Variants in CTNNA2 observed in about 807,000 individuals in gnomAD.
The protein encoded by CTNNA2 is catenin alpha-2.
CTNNA2 carries 42 observed loss-of-function variants against 101.0 expected under a neutral mutation model. The observed-to-expected ratio is 0.42, with a 90% CI of 0.32 to 0.54. The LOEUF (loss-of-function observed/expected upper bound fraction) is 0.54. Ranked by LOEUF, CTNNA2 falls within the 20% of genes least tolerant of loss-of-function variation. The pLI is 0.14. For missense variants in CTNNA2, 871 were observed against 1,223.1 expected (o/e 0.71, Z 4.29); for synonymous variants, 450 against 456.4 (o/e 0.99, Z 0.18).
At chr2:79,854,501 G>T (rs1488328195) in intron 3 of CTNNA2, among the ~76,000 whole-genome samples, 2 of 152,170 alleles carry the variant, frequency 1.3e-5, no homozygotes, top group Admixed American at 6.5e-5. Flanking sequence ...TAATAGTTGG[G>T]GTGGAGTCGA....
At chr2:79,349,473 A>G (rs1296450045) in intron 3 of CTNNA2, among the ~76,000 whole-genome samples, 2 of 152,170 alleles carry the variant, frequency 1.3e-5, no homozygotes, top group African/African-American at 4.8e-5. Flanking sequence ...TTTGAAGACT[A>G]TTATGCTATG....
At chr2:79,874,606 A>G (rs966492786) in intron 6 of CTNNA2, among the ~76,000 whole-genome samples, 1 of 152,168 alleles carries the variant, frequency 6.6e-6, no homozygotes, top group Non-Finnish European at 1.5e-5. Flanking sequence ...GGATCACCTG[A>G]GGTCATGAGT....
chr2:79,439,681 T>C (rs1235672990), intron 4 of CTNNA2, among the ~76,000 whole-genome samples: 1 of 152,200 alleles, frequency 6.6e-6, no homozygotes, highest in Non-Finnish European at 1.5e-5. Context: ...TTCTGGGTAA[T>C]GCATTTGGAA....
chr2:79,620,033 A>AT (rs1171344230), intron 1 of CTNNA2, among the ~76,000 whole-genome samples: 1 of 152,194 alleles, frequency 6.6e-6, no homozygotes, highest in Non-Finnish European at 1.5e-5. Flanking sequence ...AACAAAAAAA[A>AT]TGAGTGCGAT....
At chr2:80,639,188 G>A (rs1051806959) in intron 18 of CTNNA2, among the ~76,000 whole-genome samples, 1 of 152,150 alleles carries the variant, frequency 6.6e-6, no homozygotes, top group Admixed American at 6.6e-5. Context: ...ATCAGTATGT[G>A]TTGTAATATT....
chr2:80,619,034 T>TTTCTTTTGCTC, intron 17 of CTNNA2, 51 bp from the exon 18 acceptor site: 2 of 1,255,140 alleles, frequency 1.6e-6, no homozygotes, highest in East Asian at 2.8e-5. Context: ...TTTTTTTTTT[T>TTTCTTTTGCTC]TCTTTTGCTC....
chr2:79,958,679 A>C (rs1235070537), intron 7 of CTNNA2, among the ~76,000 whole-genome samples: 2 of 152,232 alleles, frequency 1.3e-5, no homozygotes, highest in African/African-American at 4.8e-5. Flanking sequence ...ATAAGTCTAT[A>C]AGATAATACA....
chr2:79,955,533 A>T (rs1689163043), intron 7 of CTNNA2, among the ~76,000 whole-genome samples: 1 of 152,168 alleles, frequency 6.6e-6, no homozygotes, highest in Non-Finnish European at 1.5e-5. Context: ...AGTTGTTTGC[A>T]GTTTGTCTGC....
intron 4 of CTNNA2, among the ~76,000 whole-genome samples, chr2:79,384,287 T>C (rs1445929013): frequency 1.3e-5 from 2 of 152,098 alleles, no homozygotes; most frequent in Non-Finnish European, 2.9e-5. Context: ...CGCTTTCACA[T>C]TGGTAGTCAG....
chr2:80,447,392 T>A (rs1212697529), intron 9 of CTNNA2, among the ~76,000 whole-genome samples: 1 of 152,218 alleles, frequency 6.6e-6, no homozygotes, highest in African/African-American at 2.4e-5. Flanking sequence ...CTGGCCACTT[T>A]CCAAAAGATC....
In CTNNA2 at chr2:80,645,046, T is replaced by C. The variant is rs190569910; in HGVS notation, c.2575-2539T>C. On this transcript the variant is annotated intron_variant, in intron 18 of 18. Coordinates refer to ENST00000402739, the MANE Select transcript of CTNNA2 (RefSeq NM_001282597.3). The stretch of plus-strand genomic sequence containing the variant: ...TCAGCTCAATTCTCCCAAGACTCAC[T>C]CTTTGGGGACCATTTAATAATACAA... 4.6e-5 allele frequency among the ~76,000 whole-genome samples: 7 copies of C among 152,294 alleles called. No homozygotes were observed. In the East Asian group the frequency reaches 1.4e-3, roughly 29 times the overall value.
chr2:80,279,031 G>C (rs1674144830), intron 7 of CTNNA2, among the ~76,000 whole-genome samples: 1 of 130,164 alleles, frequency 7.7e-6, no homozygotes, highest in Non-Finnish European at 1.7e-5. Flanking sequence ...TTGTTCCCTG[G>C]TACATTAATG....
chr2:79,961,663 A>C (rs919281742), intron 7 of CTNNA2, among the ~76,000 whole-genome samples: 5 of 151,710 alleles, frequency 3.3e-5, no homozygotes, highest in African/African-American at 1.2e-4. Flanking sequence ...TCTACTAAAA[A>C]TACAAAAAAT....
At chr2:79,293,201 C>T (rs1434170) in intron 2 of CTNNA2, 16,245 of 152,168 alleles carry the variant, frequency 0.11, 908 homozygotes, top group Non-Finnish European at 0.12. Flanking sequence ...CCATCGATGA[C>T]ATCAATGGTT....
chr2:80,559,785 C>A (rs1693383050), intron 12 of CTNNA2, among the ~76,000 whole-genome samples: 1 of 151,888 alleles, frequency 6.6e-6, no homozygotes, highest in Admixed American at 6.6e-5. Flanking sequence ...TAAGTACACG[C>A]TTGACCAGAC....
intron 7 of CTNNA2, among the ~76,000 whole-genome samples, chr2:79,930,740 G>A (rs542664803): frequency 3.9e-5 from 6 of 152,202 alleles, no homozygotes; most frequent in African/African-American, 1.4e-4. Flanking sequence ...CCTAATGTGA[G>A]TCCATTCCTC....
At chr2:80,226,342 T>C (rs1708887839) in intron 7 of CTNNA2, among the ~76,000 whole-genome samples, 1 of 152,224 alleles carries the variant, frequency 6.6e-6, no homozygotes, top group Non-Finnish European at 1.5e-5. Context: ...TGGAGGCCTT[T>C]TCCCTATGAC....
rs561579908 is a variant in CTNNA2, at chr2:79,543,188, G to A, written c.-6+29981G>A. Among the ~76,000 whole-genome samples the A allele has an allele frequency of 5.9e-5, 9 of 152,080 alleles. No individual in the cohort carries two copies. In the East Asian group the frequency reaches 7.7e-4, roughly 13 times the overall value. ...ATATACTTTTACTATTTCGGAACAC[G>A]TTCATAATTTTCCATTAAAACATAT... On this transcript the variant is annotated intron_variant, in intron 1 of 18. Coordinates refer to ENST00000402739, the MANE Select transcript of CTNNA2 (RefSeq NM_001282597.3).
chr2:79,279,382 C>G (rs1438805718), intron 2 of CTNNA2, among the ~76,000 whole-genome samples: 2 of 152,002 alleles, frequency 1.3e-5, no homozygotes, highest in African/African-American at 2.4e-5. Flanking sequence ...GGATAATTCT[C>G]AATATTCATA....
Sources: allele counts gnomAD v4.1 joint callset (sites outside exome capture counted in the v4.1 genomes callset), GRCh38; gene constraint gnomAD v4.1.1; transcripts MANE v1.5; gene names NCBI Gene and HGNC (gene_info 2026-07-23, HGNC 2026-07-21).